LDB2: variants seen among roughly 807,000 people sequenced by gnomAD.
LDB2 encodes LIM domain-binding protein 2.
In LDB2, 12 loss-of-function variants were observed where a neutral mutation model predicts 44.3. The ratio of observed to expected loss-of-function variants is 0.27; its 90% CI spans 0.17 to 0.44. LDB2 has a LOEUF of 0.44. Among genes scored for constraint, LDB2 ranks in the 20% least tolerant of loss-of-function variants. The pLI is 1.00. For missense variants in LDB2, 344 were observed against 473.5 expected (o/e 0.73, Z 2.54); for synonymous variants, 164 against 174.8 (o/e 0.94, Z 0.49).
chr4:16,605,947 C>T lies in LDB2; in HGVS notation c.236-10072G>A, dbSNP rs369508121. Among the ~76,000 whole-genome samples, 373 of 152,218 alleles carry T rather than the reference C, an allele frequency of 2.5e-3. 1 individual carries two copies. The highest frequency in any genetic ancestry group is 7.3e-3 in the African/African-American group (302 of 41,554). ...AAAATACCTTTCTATGGTGTTAAGA[C>T]ATTGGAATATCAAACTTTATTTGTT... On this transcript the variant is annotated intron_variant, in intron 2 of 7. Transcript: ENST00000304523.
chr4:16,815,714 T>G (rs73799283), intron 1 of LDB2, among the ~76,000 whole-genome samples: 2,570 of 152,232 alleles, frequency 0.017, 87 homozygotes, highest in African/African-American at 0.058. Context: ...CAGTTCCCCC[T>G]CTCACAGCTC....
chr4:16,800,660 G>C (rs558483670), intron 1 of LDB2, among the ~76,000 whole-genome samples: 8 of 152,078 alleles, frequency 5.3e-5, no homozygotes, highest in Non-Finnish European at 1.0e-4. Flanking sequence ...AATAGAAGAC[G>C]TTTCTTTGTT....
chr4:16,740,605 G>C (rs1763054516), intron 2 of LDB2, among the ~76,000 whole-genome samples: 1 of 152,218 alleles, frequency 6.6e-6, no homozygotes, highest in Non-Finnish European at 1.5e-5. Flanking sequence ...TGTGATACTT[G>C]TCTAATAGAA....
intron 1 of LDB2, among the ~76,000 whole-genome samples, chr4:16,765,245 A>G (rs1245325728): frequency 6.6e-6 from 1 of 152,226 alleles, no homozygotes; most frequent in Non-Finnish European, 1.5e-5. Context: ...GAAAGGAGCC[A>G]GCATATGCAG....
intron 2 of LDB2, among the ~76,000 whole-genome samples, chr4:16,722,548 A>G (rs1438488781): frequency 6.6e-6 from 1 of 152,158 alleles, no homozygotes; most frequent in African/African-American, 2.4e-5. Context: ...ATCCTTTAAG[A>G]TGTGTATCAA....
chr4:16,666,795 C>T (rs1481893779), intron 2 of LDB2, among the ~76,000 whole-genome samples: 1 of 152,202 alleles, frequency 6.6e-6, no homozygotes, highest in Admixed American at 6.5e-5. Flanking sequence ...AGTGACAGTG[C>T]AGTTTTTCCC....
chr4:16,741,340 G>A (rs370145119), intron 2 of LDB2: 4 of 152,338 alleles, frequency 2.6e-5, no homozygotes, highest in Admixed American at 2.6e-4. Context: ...TGGAGATTAA[G>A]GGGTGAAAAG....
intron 5 of LDB2, among the ~76,000 whole-genome samples, chr4:16,541,378 G>T (rs1176182561): frequency 6.6e-6 from 1 of 152,116 alleles, no homozygotes; most frequent in Admixed American, 6.6e-5. Context: ...CTTTTGCCAC[G>T]AGTAAGAGCT....
At chr4:16,732,506 T>C (rs1180223294) in intron 2 of LDB2, among the ~76,000 whole-genome samples, 1 of 152,214 alleles carries the variant, frequency 6.6e-6, no homozygotes, top group South Asian at 2.1e-4. Context: ...GTCTACTGTT[T>C]TTCTACTAAT....
chr4:16,740,494 AT>A (rs1171307677), intron 2 of LDB2, among the ~76,000 whole-genome samples: 2 of 152,124 alleles, frequency 1.3e-5, no homozygotes, highest in Non-Finnish European at 2.9e-5. Flanking sequence ...TGTTCTTTTG[AT>A]TGTCCCTCCA....
At chr4:16,719,159 T>C (rs961049478) in intron 2 of LDB2, among the ~76,000 whole-genome samples, 6 of 151,924 alleles carry the variant, frequency 3.9e-5, no homozygotes, top group Non-Finnish European at 7.4e-5. Flanking sequence ...TGATTTTCCA[T>C]ATTTTTTCTT....
intron 2 of LDB2, among the ~76,000 whole-genome samples, chr4:16,647,228 T>A (rs1237976834): frequency 1.3e-5 from 2 of 152,164 alleles, no homozygotes; most frequent in Non-Finnish European, 2.9e-5. Flanking sequence ...GCAGGATGAT[T>A]TTGTTTATAT....
intron 2 of LDB2, among the ~76,000 whole-genome samples, chr4:16,727,212 G>A (rs1759695838): frequency 6.6e-6 from 1 of 152,194 alleles, no homozygotes; most frequent in African/African-American, 2.4e-5. Context: ...AAAATCCCAG[G>A]ACATTAGAAG....
chr4:16,577,426 C>T (rs1256635029), intron 5 of LDB2, among the ~76,000 whole-genome samples: 4 of 152,022 alleles, frequency 2.6e-5, no homozygotes, highest in Non-Finnish European at 4.4e-5. Context: ...TTTTCTATGC[C>T]AACAGTGAAC....
At chr4:16,869,487 C>G (rs1715804651) in intron 1 of LDB2, among the ~76,000 whole-genome samples, 1 of 152,094 alleles carries the variant, frequency 6.6e-6, no homozygotes, top group South Asian at 2.1e-4. Flanking sequence ...CACTATGGAA[C>G]AGTATTAATT....
chr4:16,741,597 A>C (rs1340070414), intron 2 of LDB2: 3 of 152,230 alleles, frequency 2.0e-5, no homozygotes, highest in Non-Finnish European at 4.4e-5. Context: ...CCAAATCTAC[A>C]GTCTCTTCAC....
At chr4:16,717,563 A>C (rs1235479885) in intron 2 of LDB2, among the ~76,000 whole-genome samples, 1 of 152,202 alleles carries the variant, frequency 6.6e-6, no homozygotes, top group African/African-American at 2.4e-5. Flanking sequence ...ATACTTTAAG[A>C]ATCTTAATAA....
chr4:16,735,082 T>C (rs1187761189), intron 2 of LDB2, among the ~76,000 whole-genome samples: 1 of 152,144 alleles, frequency 6.6e-6, no homozygotes, highest in Non-Finnish European at 1.5e-5. Context: ...AAAACAGTCA[T>C]CATTCCTCCA....
chr4:16,796,675 A>G (rs1314512036), intron 1 of LDB2, among the ~76,000 whole-genome samples: 1 of 152,192 alleles, frequency 6.6e-6, no homozygotes, highest in Non-Finnish European at 1.5e-5. Context: ...AAGAGTAATC[A>G]TGTGGTGGAG....
Sources: gnomAD v4.1 joint callset for allele counts (sites outside exome capture counted in the v4.1 genomes callset) on GRCh38, gnomAD v4.1.1 for gene constraint, MANE v1.5 for transcripts, NCBI Gene and HGNC (gene_info 2026-07-23, HGNC 2026-07-21) for gene names.